CDH9: variants seen among roughly 807,000 people sequenced by gnomAD.
CDH9 encodes cadherin 9, also known as cadherin-9.
Under a neutral mutation model 70.9 loss-of-function variants are expected in CDH9, and 28 were observed. That is an observed-to-expected ratio of 0.40 (90% CI 0.29 to 0.54). The LOEUF (loss-of-function observed/expected upper bound fraction) is 0.54. CDH9 is among the 20% of genes least tolerant of loss of function. The pLI is 0.59. For missense variants in CDH9, 874 were observed against 984.4 expected (o/e 0.89, Z 1.50); for synonymous variants, 409 against 343.1 (o/e 1.19, Z -2.12).
At chr5:26,937,332 A>G (rs1056207743) in intron 2 of CDH9, among the ~76,000 whole-genome samples, 27 of 152,282 alleles carry the variant, frequency 1.8e-4, no homozygotes, top group African/African-American at 6.5e-4. Flanking sequence ...CTACACTCCT[A>G]TCAGAATGCA....
intron 1 of CDH9, among the ~76,000 whole-genome samples, chr5:27,014,797 A>G (rs573892006): frequency 3.9e-5 from 6 of 151,910 alleles, no homozygotes; most frequent in Admixed American, 2.0e-4. Flanking sequence ...TCACTGTTTT[A>G]TTTTTATCCT....
chr5:26,999,201 T>C (rs1275682577), intron 1 of CDH9, among the ~76,000 whole-genome samples: 2 of 151,756 alleles, frequency 1.3e-5, no homozygotes, highest in Admixed American at 6.6e-5. Context: ...GCCGAGATCA[T>C]GCCCTCCAGC....
At chr5:26,901,863 C>G (rs1198440584) in intron 7 of CDH9, among the ~76,000 whole-genome samples, 1 of 151,518 alleles carries the variant, frequency 6.6e-6, no homozygotes. Flanking sequence ...ATACTTTTAC[C>G]TTTCTTATTC....
intron 1 of CDH9, among the ~76,000 whole-genome samples, chr5:27,009,262 T>C (rs891884287): frequency 2.0e-5 from 3 of 152,066 alleles, no homozygotes; most frequent in Non-Finnish European, 4.4e-5. Flanking sequence ...AATAACAAGT[T>C]GTAGTTTCTA....
intron 1 of CDH9, among the ~76,000 whole-genome samples, chr5:27,022,193 T>C (rs2112126502): frequency 6.6e-6 from 1 of 152,162 alleles, no homozygotes; most frequent in East Asian, 1.9e-4. Context: ...AGCACAGAAT[T>C]TTGGAAACAT....
At chr5:26,940,525 T>G (rs768209679) in intron 2 of CDH9, among the ~76,000 whole-genome samples, 21 of 152,118 alleles carry the variant, frequency 1.4e-4, no homozygotes, top group Non-Finnish European at 2.8e-4. Context: ...TAAAAGGTTA[T>G]AAAAAGTGAT....
intron 1 of CDH9, among the ~76,000 whole-genome samples, chr5:27,017,329 A>G (rs1428129490): frequency 6.6e-6 from 1 of 151,886 alleles, no homozygotes; most frequent in East Asian, 1.9e-4. Flanking sequence ...AATTATTTTA[A>G]TGAGTGATCC....
chr5:27,021,921 C>A (rs568015107), intron 1 of CDH9, among the ~76,000 whole-genome samples: 7 of 151,960 alleles, frequency 4.6e-5, no homozygotes, highest in Admixed American at 3.3e-4. Context: ...AATTAATTTT[C>A]ATGTAAATAG....
chr5:26,975,867 A>T (rs1742296141), intron 2 of CDH9, among the ~76,000 whole-genome samples: 1 of 152,172 alleles, frequency 6.6e-6, no homozygotes, highest in African/African-American at 2.4e-5. Flanking sequence ...GCTCAAACAG[A>T]GAGAAGCAAT....
intron 2 of CDH9, among the ~76,000 whole-genome samples, chr5:26,919,557 C>T (rs1162198561): frequency 1.3e-5 from 2 of 152,074 alleles, no homozygotes; most frequent in Non-Finnish European, 2.9e-5. Context: ...AGTGGACTTT[C>T]TGGGGATGTG....
intron 1 of CDH9, among the ~76,000 whole-genome samples, chr5:27,016,355 T>A (rs1447851605): frequency 6.6e-6 from 1 of 151,806 alleles, no homozygotes; most frequent in Non-Finnish European, 1.5e-5. Context: ...ACATTGCTCA[T>A]CAGAAAATGC....
At chr5:26,997,837 C>T (rs912957229) in intron 1 of CDH9, among the ~76,000 whole-genome samples, 1 of 151,862 alleles carries the variant, frequency 6.6e-6, no homozygotes, top group Non-Finnish European at 1.5e-5. Context: ...GTAGCTGGAA[C>T]TACAGGCACA....
intron 2 of CDH9, among the ~76,000 whole-genome samples, chr5:26,930,763 G>T (rs1741448562): frequency 6.6e-6 from 1 of 151,770 alleles, no homozygotes; most frequent in African/African-American, 2.4e-5. Flanking sequence ...CTAACTTCTT[G>T]TCCAATTTTA....
intron 2 of CDH9, among the ~76,000 whole-genome samples, chr5:26,954,384 C>CTTTTTTTTTTTT (rs141394776): frequency 2.7e-3 from 50 of 18,332 alleles, no homozygotes; most frequent in African/African-American, 6.1e-3. Context: ...ATTATACAGC[C>CTTTTTTTTTTTT]TTTCTTTTTT....
At chr5:27,022,898 C>A (rs1390340120) in intron 1 of CDH9, among the ~76,000 whole-genome samples, 1 of 151,968 alleles carries the variant, frequency 6.6e-6, no homozygotes. Flanking sequence ...GATATTTAGA[C>A]TTTTGGATAC....
intron 2 of CDH9, among the ~76,000 whole-genome samples, chr5:26,918,503 T>C (rs953297442): frequency 1.3e-5 from 2 of 152,238 alleles, no homozygotes; most frequent in African/African-American, 4.8e-5. Context: ...AAATATTTCC[T>C]CTTTTTAAAA....
In CDH9 at chr5:26,903,844, T is replaced by A; in HGVS notation, c.812-20A>T. On this transcript the variant is annotated intron_variant, in intron 5 of 11. Transcript: ENST00000231021. ...ACGTACCTATAAATTAAGTAAGAGC[T>A]GTTTTGACATTTCATCTTTATATAA... 1 of 1,317,974 alleles carries A rather than the reference T, an allele frequency of 7.6e-7. No individual in the cohort carries two copies. The highest frequency in any genetic ancestry group is 1.1e-6 in the Non-Finnish European group (1 of 952,180). The allele number at this position is 1,317,974 out of a possible 1,614,324, so 81.6% of individuals were successfully genotyped here. A position where few individuals can be genotyped will look rare whatever the true frequency, so the allele number is the denominator to read the frequency against.
Position 27,003,848 on chromosome 5 carries a change from A to G in CDH9, c.-49-15466T>C, listed in dbSNP as rs73746073. Among the ~76,000 whole-genome samples the G allele has an allele frequency of 4.6e-3, 707 of 152,172 alleles. 2 individuals carry two copies. The highest frequency in any genetic ancestry group is 0.016 in the African/African-American group (660 of 41,562). On this transcript the variant is annotated intron_variant, in intron 1 of 11. Transcript: ENST00000231021. ...GTATAAATTAAGGAAATCTGAATAA[A>G]CTATAAAGTTTAAATATAAAATATA...
chr5:26,899,268 C>T (rs1174909433), intron 7 of CDH9, among the ~76,000 whole-genome samples: 1 of 152,096 alleles, frequency 6.6e-6, no homozygotes, highest in Non-Finnish European at 1.5e-5. Flanking sequence ...GTGGTGATTC[C>T]TCAAGGATCT....
Sources: gnomAD v4.1 joint callset for allele counts (sites outside exome capture counted in the v4.1 genomes callset) on GRCh38, gnomAD v4.1.1 for gene constraint, MANE v1.5 for transcripts, NCBI Gene and HGNC (gene_info 2026-07-23, HGNC 2026-07-21) for gene names.